The following SYNE1 variants were observed in gnomAD, a reference collection of about 807,000 sequenced individuals.
SYNE1 encodes the protein nesprin-1.
SYNE1 carries 616 observed loss-of-function variants against 1,111.0 expected under a neutral mutation model. The observed-to-expected ratio is 0.55, with a 90% CI of 0.52 to 0.59. The LOEUF (loss-of-function observed/expected upper bound fraction) is 0.59. Ranked by LOEUF, SYNE1 falls within the 20% of genes least tolerant of loss-of-function variation. The probability of loss-of-function intolerance (pLI) is 0.00; values close to 1 mark genes in which losing one functional copy is unlikely to be tolerated. For synonymous variants in SYNE1, 3,855 were observed against 3,825.8 expected (o/e 1.01, Z -0.28); for missense variants, 10,006 against 10,417.0 (o/e 0.96, Z 1.72).
intron 38 of SYNE1, among the ~76,000 whole-genome samples, 192 bp from the exon 39 acceptor site, chr6:152,425,739 C>G (rs1214166099): frequency 6.6e-6 from 1 of 152,130 alleles, no homozygotes; most frequent in African/African-American, 2.4e-5. Flanking sequence ...TTTGGTTCAT[C>G]CACTTAACCT....
intron 127 of SYNE1, among the ~76,000 whole-genome samples, chr6:152,200,164 ACCAACCCCTTAAACGAGT>A (rs1161251048): frequency 6.6e-6 from 1 of 152,224 alleles, no homozygotes; most frequent in African/African-American, 2.4e-5. Context: ...CGCACAGTAT[ACCAACCCCTTAAACGAGT>A]CAGTGTGGCA....
Position 152,325,963 on chromosome 6 carries a change from G to A in SYNE1, c.15433C>T (p.His5145Tyr), listed in dbSNP as rs2153952636. The stretch of plus-strand genomic sequence containing the variant: ...AAATGGCCCAAAACTCTGACCTTGT[G>A]TTCTGACAATTTTTCTTCCGCTTCA... ...SHEAEEKLSEHKALVSVVNSF... is the reference protein window; with the variant it reads ...SHEAEEKLSEYKALVSVVNSF... Residue 5145 changes from histidine to tyrosine, a missense_variant, in exon 80 of 146, where the codon CAC (histidine) becomes TAC (tyrosine). Around this residue, in one of 7 missense-constraint regions of SYNE1, gnomAD observed 4,955 missense variants for 5,017.2 expected, o/e 0.99. Transcript: ENST00000367255. 1 of 1,614,128 alleles carries A rather than the reference G, an allele frequency of 6.2e-7. No individual in the cohort carries two copies. Among genetic ancestry groups the A allele is most frequent in the Non-Finnish European group, 8.5e-7 (1 of 1,180,014 alleles).
chr6:152,449,427 C>G (rs1470404619), intron 28 of SYNE1, 106 bp downstream of exon 28: 4 of 885,312 alleles, frequency 4.5e-6, no homozygotes, highest in Non-Finnish European at 7.4e-6. Context: ...TTTTCAAGAA[C>G]TTATTTTTTT....
At chr6:152,539,378 T>C (rs773360641) in intron 4 of SYNE1, among the ~76,000 whole-genome samples, 5 of 152,174 alleles carry the variant, frequency 3.3e-5, no homozygotes, top group Non-Finnish European at 7.4e-5. Context: ...GTATCAAGAT[T>C]AAGATTTATT....
intron 72 of SYNE1, among the ~76,000 whole-genome samples, chr6:152,348,410 C>G (rs116374878): frequency 1.3e-5 from 2 of 152,152 alleles, no homozygotes; most frequent in East Asian, 3.9e-4. Context: ...TCTGGCCAGA[C>G]GCGGTGGCTC....
chr6:152,454,907 A>T (rs1023174792), intron 24 of SYNE1, among the ~76,000 whole-genome samples: 2 of 152,182 alleles, frequency 1.3e-5, no homozygotes, highest in African/African-American at 2.4e-5. Flanking sequence ...ATTCATGAAC[A>T]TTATGACTAA....
intron 136 of SYNE1, 57 bp downstream of exon 136, chr6:152,149,420 C>T: frequency 7.5e-6 from 12 of 1,606,360 alleles, no homozygotes; most frequent in Non-Finnish European, 1.0e-5. Context: ...CAACCCAATC[C>T]CACACGACTT....
At chr6:152,411,062 C>T (rs369075914) in intron 42 of SYNE1, among the ~76,000 whole-genome samples, 12 of 152,108 alleles carry the variant, frequency 7.9e-5, no homozygotes, top group African/African-American at 2.4e-4. Context: ...TAATGTGCTC[C>T]GAATTTTGTT....
intron 3 of SYNE1, among the ~76,000 whole-genome samples, chr6:152,580,258 G>A (rs1299778184): frequency 1.3e-5 from 2 of 152,150 alleles, no homozygotes; most frequent in Admixed American, 6.5e-5. Flanking sequence ...GCATTTTTCT[G>A]ATGATGAGTG....
Position 152,419,556 on chromosome 6 carries a change from A to AAAG in SYNE1, c.5421+12_5421+13insCTT. 1 of 1,599,754 alleles carries AAAG rather than the reference A, an allele frequency of 6.3e-7. No individual in the cohort carries two copies. The highest frequency in any genetic ancestry group is 8.5e-7 in the Non-Finnish European group (1 of 1,176,342). ...ATTCTTCTTCAATCTTAAAAAAAAA[A>AAAG]AAACCACTTTACCTTATGCCGAGTA... On this transcript the variant is annotated intron_variant, in intron 40 of 145. Transcript: ENST00000367255.
intron 14 of SYNE1, among the ~76,000 whole-genome samples, chr6:152,477,697 T>C (rs1029068135): frequency 3.3e-5 from 5 of 152,220 alleles, no homozygotes; most frequent in African/African-American, 1.2e-4. Context: ...CTGTTTTGCT[T>C]ACAGATGTAT....
chr6:152,253,817 G>GTTTTTTTTTTTTT (rs1491115589), intron 104 of SYNE1, among the ~76,000 whole-genome samples: 987 of 59,150 alleles, frequency 0.017, 408 homozygotes, highest in East Asian at 0.033. Flanking sequence ...GTAGTGGTTT[G>GTTTTTTTTTTTTT]GTTTTTTTTT....
intron 51 of SYNE1, among the ~76,000 whole-genome samples, chr6:152,392,932 G>A (rs1011755603): frequency 6.6e-6 from 1 of 152,104 alleles, no homozygotes; most frequent in African/African-American, 2.4e-5. Context: ...AAATATTATG[G>A]TGAAAAGAAA....
chr6:152,381,390 G>T, intron 55 of SYNE1, 28 bp from the exon 56 acceptor site: 2 of 1,607,112 alleles, frequency 1.2e-6, no homozygotes, highest in South Asian at 2.2e-5. Context: ...CATGGTAACT[G>T]AAGAGCCTGT....
chr6:152,586,653 CAT>C (rs1377219186), intron 3 of SYNE1, among the ~76,000 whole-genome samples: 5 of 85,342 alleles, frequency 5.9e-5, no homozygotes, highest in Non-Finnish European at 1.1e-4. Context: ...AACATACTCT[CAT>C]ACACACACAC....
At chr6:152,545,371 A>C (rs1039763379) in intron 3 of SYNE1, among the ~76,000 whole-genome samples, 1 of 152,088 alleles carries the variant, frequency 6.6e-6, no homozygotes, top group Non-Finnish European at 1.5e-5. Flanking sequence ...CTTGAGGTCA[A>C]GAGTTTGAGA....
Position 152,321,365 on chromosome 6 carries a change from T to G in SYNE1, c.16109A>C (p.His5370Pro). ...TGCCATTTTTTCAATGTTCTGTCGG[T>G]GATTTGTGGCTTCTGTTAGGAGAAT... ...LQILLTEATN[H>P]RQNIEKMAEE... Residue 5370 changes from histidine (H) to proline (P), a missense_variant, in exon 84 of 146, where the codon CAC becomes CCC. His to Pro is a moderately conservative substitution (Grantham distance 77, BLOSUM62 -2). Coordinates refer to ENST00000367255, the MANE Select transcript of SYNE1 (RefSeq NM_182961.4). The G allele has an allele frequency of 6.2e-7, 1 of 1,613,894 alleles. No homozygotes were observed. Among genetic ancestry groups the G allele is most frequent in the Non-Finnish European group, 8.5e-7 (1 of 1,179,904 alleles).
At chr6:152,485,088 T>C in intron 12 of SYNE1, 116 bp from the exon 13 acceptor site, 1 of 1,176,840 alleles carries the variant, frequency 8.5e-7, no homozygotes, top group South Asian at 1.4e-5. Flanking sequence ...ATATATGTTG[T>C]TGATAATAAT....
At position 152,551,193 on chromosome 6, in the gene SYNE1, T is replaced by G. The variant is rs548774790; in HGVS notation, c.68-11172A>C. ...GTATCTGTACAGCACTTGAACTTAT[T>G]CATGTTTTGTATACATTTCTCATTT... On this transcript the variant is annotated intron_variant, in intron 3 of 145. Transcript: ENST00000367255. Among the ~76,000 whole-genome samples, 74 of 152,302 alleles carry G rather than the reference T, an allele frequency of 4.9e-4. 1 individual carries two copies. The South Asian group carries it at 0.015, about 30-fold the overall frequency.
Sources: allele counts gnomAD v4.1 joint callset (sites outside exome capture counted in the v4.1 genomes callset), GRCh38; gene constraint gnomAD v4.1.1; regional missense constraint gnomAD v4.1.1; transcripts MANE v1.5; gene names NCBI Gene and HGNC (gene_info 2026-07-23, HGNC 2026-07-21).